The following DAPK2 variants were observed in gnomAD, a reference collection of about 807,000 sequenced individuals.
DAPK2 encodes the protein death-associated protein kinase 2.
In DAPK2, 35 loss-of-function variants were observed where a neutral mutation model predicts 44.1. That is an observed-to-expected ratio of 0.79 (90% CI 0.61 to 1.05). DAPK2 has a LOEUF of 1.05. DAPK2 is among the 50% of genes least tolerant of loss of function. DAPK2 has a pLI of 0.00. For missense variants in DAPK2, 453 were observed against 483.2 expected, an observed-to-expected ratio of 0.94 and a Z score of 0.59; for synonymous variants, 174 against 182.6, an observed-to-expected ratio of 0.95 and a Z score of 0.38.
rs373745530 is a variant in DAPK2, at chr15:64,001,212, C to CAAA, written c.93-17461_93-17459dup. ...CTCTTTAATCACCTCCACTACCTGCCAAAAAAAAAAAAAATCTAGTCTGCA... is the reference window on the plus strand; with the variant it reads ...CTCTTTAATCACCTCCACTACCTGCCAAAAAAAAAAAAAAAAATCTAGTCTGCA... On this transcript the variant is annotated intron_variant, in intron 1 of 10. Coordinates refer to ENST00000261891, the Ensembl canonical transcript of DAPK2. Among the ~76,000 whole-genome samples the CAAA allele has an allele frequency of 3.8e-3, 526 of 139,652 alleles. 3 individuals are homozygous for CAAA. Among genetic ancestry groups the CAAA allele is most frequent in the Non-Finnish European group, 6.5e-3 (423 of 65,074 alleles). 91.6% of individuals were successfully genotyped at this position (139,652 alleles called of 152,430 possible).
chr15:63,986,133 T>G (rs907588353), intron 1 of DAPK2, among the ~76,000 whole-genome samples: 8 of 152,208 alleles, frequency 5.3e-5, no homozygotes, highest in Non-Finnish European at 1.2e-4. Flanking sequence ...CCCCACTCCT[T>G]GGGCTGTTTC....
Position 64,032,806 on chromosome 15 carries a change from G to T in DAPK2, c.92+7364C>A, listed in dbSNP as rs537592591. Among the ~76,000 whole-genome samples, 3 of 151,866 alleles carry T rather than the reference G, an allele frequency of 2.0e-5. No homozygotes were observed. In the South Asian group the frequency reaches 6.2e-4, roughly 32 times the overall value. On this transcript the variant is annotated intron_variant, in intron 1 of 10. Coordinates refer to ENST00000261891, the Ensembl canonical transcript of DAPK2. The stretch of plus-strand genomic sequence containing the variant: ...TCCCTACAAAAAATTTAAAAATTAG[G>T]TGGGCGTGGTGGTTCATGACTGTAA...
intron 1 of DAPK2, among the ~76,000 whole-genome samples, chr15:64,016,820 AGG>A (rs1439345892): frequency 1.5e-3 from 169 of 114,996 alleles, no homozygotes; most frequent in African/African-American, 2.9e-3. Context: ...GGGAAGGGGA[AGG>A]GGAAGGAAGG....
intron 8 of DAPK2, among the ~76,000 whole-genome samples, chr15:63,915,105 T>C (rs1227598375): frequency 6.6e-6 from 1 of 152,238 alleles, no homozygotes; most frequent in Non-Finnish European, 1.5e-5. Flanking sequence ...AGATTACTTA[T>C]AATAGCAAAT....
intron 3 of DAPK2, chr15:63,942,412 C>T (rs1450675460): frequency 2.4e-5 from 4 of 168,164 alleles, no homozygotes; most frequent in South Asian, 2.0e-4. Context: ...ATTAGCTGGG[C>T]GTGGTGGCAT....
At chr15:63,998,293 T>C (rs552923643) in intron 1 of DAPK2, among the ~76,000 whole-genome samples, 6 of 152,174 alleles carry the variant, frequency 3.9e-5, no homozygotes, top group Non-Finnish European at 8.8e-5. Flanking sequence ...AGAGCAGTCA[T>C]GGGCTCCCAC....
At chr15:64,031,735 C>T (rs2080021814) in intron 1 of DAPK2, among the ~76,000 whole-genome samples, 1 of 152,232 alleles carries the variant, frequency 6.6e-6, no homozygotes, top group African/African-American at 2.4e-5. Context: ...TCCCACTTGG[C>T]ATCTCCTTGA....
intron 4 of DAPK2, among the ~76,000 whole-genome samples, chr15:63,938,554 A>C (rs1343488887): frequency 2.0e-5 from 3 of 152,198 alleles, no homozygotes; most frequent in Non-Finnish European, 4.4e-5. Context: ...CCTATCTCCA[A>C]GACCACTCCA....
At chr15:64,008,057 G>A (rs1169056529) in intron 1 of DAPK2, among the ~76,000 whole-genome samples, 1 of 152,050 alleles carries the variant, frequency 6.6e-6, no homozygotes, top group Non-Finnish European at 1.5e-5. Context: ...GGGTAAGGGG[G>A]TTTTTTGGTA....
intron 8 of DAPK2, among the ~76,000 whole-genome samples, chr15:63,914,238 T>G (rs1567198412): frequency 6.8e-6 from 1 of 147,012 alleles, no homozygotes; most frequent in Non-Finnish European, 1.5e-5. Context: ...GGGGGTGGGG[T>G]GACCCAAAGC....
chr15:63,978,458 G>A (rs932314814), intron 2 of DAPK2, among the ~76,000 whole-genome samples: 1 of 152,220 alleles, frequency 6.6e-6, no homozygotes, highest in Non-Finnish European at 1.5e-5. Context: ...GCAGTAATCA[G>A]TCATCTGTTT....
At chr15:63,921,495 G>C (rs938185288) in intron 8 of DAPK2, 1 of 152,198 alleles carries the variant, frequency 6.6e-6, no homozygotes, top group African/African-American at 2.4e-5. Context: ...CTCAGCACTA[G>C]GCTCATATGC....
At chr15:64,015,101 T>TTAAGTAAATGTAAGGCAGCAG (rs1338090549) in intron 1 of DAPK2, among the ~76,000 whole-genome samples, 1 of 151,888 alleles carries the variant, frequency 6.6e-6, no homozygotes, top group Non-Finnish European at 1.5e-5. Context: ...TTCTGCAGTG[T>TTAAGTAAATGTAAGGCAGCAG]TAAGTAAATG....
At chr15:63,998,670 G>A (rs1026996566) in intron 1 of DAPK2, among the ~76,000 whole-genome samples, 4 of 152,226 alleles carry the variant, frequency 2.6e-5, no homozygotes, top group African/African-American at 4.8e-5. Flanking sequence ...TGCCATGGCC[G>A]TAACAGTAGG....
upstream of DAPK2, among the ~76,000 whole-genome samples, chr15:64,040,672 A>T (rs1266712708): frequency 6.6e-6 from 1 of 152,136 alleles, no homozygotes; most frequent in Non-Finnish European, 1.5e-5. Flanking sequence ...GCACTTTGGG[A>T]GGCCGAGGTG....
chr15:64,009,729 T>G (rs979677490), intron 1 of DAPK2, among the ~76,000 whole-genome samples: 1 of 152,168 alleles, frequency 6.6e-6, no homozygotes, highest in Non-Finnish European at 1.5e-5. Context: ...TGTCTCTTTA[T>G]GCTCATTTCT....
chr15:63,998,079 G>T (rs1412146235), intron 1 of DAPK2, among the ~76,000 whole-genome samples: 2 of 152,192 alleles, frequency 1.3e-5, no homozygotes, highest in Non-Finnish European at 2.9e-5. Flanking sequence ...TAAGAAAAAG[G>T]AATTTGAGAA....
Position 63,964,667 on chromosome 15 carries a change from C to T in DAPK2, c.453+6756G>A, listed in dbSNP as rs370595044. 2.6e-3 allele frequency among the ~76,000 whole-genome samples: 389 copies of T among 151,432 alleles called. 1 individual carries two copies. Among genetic ancestry groups the T allele is most frequent in the Non-Finnish European group, 4.5e-3 (307 of 67,890 alleles). ...TTCTTTTGTCTCCTCTGTGTATTTT[C>T]GAATAGTCTATCTTCAAGCTCACTA... On this transcript the variant is annotated intron_variant, in intron 3 of 10. Coordinates refer to ENST00000261891, the Ensembl canonical transcript of DAPK2.
Position 63,972,501 on chromosome 15 carries a change from G to C in DAPK2, c.315-940C>G, listed in dbSNP as rs750081433. Among the ~76,000 whole-genome samples, 18 of 152,232 alleles carry C rather than the reference G, an allele frequency of 1.2e-4. 1 individual carries two copies. Among genetic ancestry groups the C allele is most frequent in the Admixed American group, 1.1e-3 (17 of 15,284 alleles). On this transcript the variant is annotated intron_variant, in intron 2 of 10. Coordinates refer to ENST00000261891, the Ensembl canonical transcript of DAPK2. ...GAAATACAGATGGAAAGGCCATTCT[G>C]ATAATGTCTCAGATGGATATGAGGA...
Sources: allele counts gnomAD v4.1 joint callset (sites outside exome capture counted in the v4.1 genomes callset), GRCh38; gene constraint gnomAD v4.1.1; transcripts MANE v1.5; gene names NCBI Gene and HGNC (gene_info 2026-07-23, HGNC 2026-07-21).